The following PPFIBP2 variants were observed in gnomAD, a reference collection of about 807,000 sequenced individuals.
PPFIBP2 encodes PPFIB scaffold protein 2.
In PPFIBP2, 118 loss-of-function variants were observed where a neutral mutation model predicts 118.3. The observed-to-expected ratio is 1.00, with a 90% CI of 0.86 to 1.16. The LOEUF (loss-of-function observed/expected upper bound fraction) is 1.16. Among genes scored for constraint, PPFIBP2 ranks in the 50% most tolerant of loss-of-function variants. PPFIBP2 has a pLI of 0.00. For missense variants in PPFIBP2, 1,195 were observed against 1,073.1 expected (o/e 1.11, Z -1.59); for synonymous variants, 414 against 397.4 (o/e 1.04, Z -0.50).
chr11:7,609,581 T>C (rs887275808), intron 5 of PPFIBP2, among the ~76,000 whole-genome samples: 1 of 152,240 alleles, frequency 6.6e-6, no homozygotes, highest in Non-Finnish European at 1.5e-5. Flanking sequence ...GACAGGTTTG[T>C]TGTCAAAGCC....
intron 6 of PPFIBP2, among the ~76,000 whole-genome samples, chr11:7,613,210 G>A (rs1848270576): frequency 6.6e-6 from 1 of 152,144 alleles, no homozygotes; most frequent in Non-Finnish European, 1.5e-5. Context: ...AATGCTTGTG[G>A]CAAGAGCATT....
intron 22 of PPFIBP2, chr11:7,651,363 T>C: frequency 2.6e-6 from 1 of 385,918 alleles, no homozygotes; most frequent in Non-Finnish European, 4.7e-6. Flanking sequence ...AATGAGGAAG[T>C]GTGGTGGCTT....
chr11:7,519,899 C>G (rs546445108), intron 1 of PPFIBP2, among the ~76,000 whole-genome samples: 2 of 152,206 alleles, frequency 1.3e-5, no homozygotes, highest in South Asian at 2.1e-4. Flanking sequence ...ACCAGGTTCC[C>G]GGGGAAGCTT....
Position 7,617,328 on chromosome 11 carries a change from G to A in PPFIBP2, c.619-3607G>A, listed in dbSNP as rs189674657. 1,807 of 983,066 alleles carry A rather than the reference G, an allele frequency of 1.8e-3. 6 individuals are homozygous for A. Among genetic ancestry groups the A allele is most frequent in the Non-Finnish European group, 1.7e-3 (1,448 of 827,762 alleles). The allele number at this position is 983,066 out of a possible 1,614,324, so 60.9% of individuals were successfully genotyped here. A position where few individuals can be genotyped will look rare whatever the true frequency, so the allele number is the denominator to read the frequency against. On this transcript the variant is annotated intron_variant, in intron 6 of 23. Coordinates refer to ENST00000299492, the MANE Select transcript of PPFIBP2 (RefSeq NM_003621.5). ...CACACTTAAGTATATCAGAGCATGCGTGTGTGGGGCATTTCACTGGTGGAG... is the reference window on the plus strand; with the variant it reads ...CACACTTAAGTATATCAGAGCATGCATGTGTGGGGCATTTCACTGGTGGAG...
At position 7,628,605 on chromosome 11, in the gene PPFIBP2, A is replaced by G. The variant is rs566283604; in HGVS notation, c.888+259A>G. On this transcript the variant is annotated intron_variant, in intron 9 of 23. Transcript: ENST00000299492. Reference sequence around the variant, plus strand: ...TGCCTGTTCCTGCTGGTGTGGGGGGAAAAAAATACTGCTGTGATCACTGCC... The same window carrying G: ...TGCCTGTTCCTGCTGGTGTGGGGGGGAAAAAATACTGCTGTGATCACTGCC... 8.6e-5 allele frequency among the ~76,000 whole-genome samples: 13 copies of G among 151,870 alleles called. No homozygotes were observed. The East Asian group carries it at 1.5e-3, about 18-fold the overall frequency.
intron 1 of PPFIBP2, among the ~76,000 whole-genome samples, chr11:7,542,574 T>A (rs186692166): frequency 1.3e-5 from 2 of 152,344 alleles, no homozygotes; most frequent in Admixed American, 6.5e-5. Flanking sequence ...GAAAAATGCT[T>A]GTTCTGCTGC....
At chr11:7,643,156 C>T (rs1201631397) in intron 17 of PPFIBP2, among the ~76,000 whole-genome samples, 9 of 152,278 alleles carry the variant, frequency 5.9e-5, no homozygotes, top group African/African-American at 1.2e-4. Flanking sequence ...CCAGGGAAAG[C>T]TTTACCTGTA....
chr11:7,640,000 GT>G, intron 15 of PPFIBP2, 130 bp downstream of exon 15: 1 of 1,327,102 alleles, frequency 7.5e-7, no homozygotes, highest in Non-Finnish European at 9.9e-7. Flanking sequence ...GCTGGAACAA[GT>G]TGTACCTTGG....
intron 3 of PPFIBP2, among the ~76,000 whole-genome samples, chr11:7,566,513 C>G (rs890497518): frequency 6.6e-6 from 1 of 151,986 alleles, no homozygotes; most frequent in Non-Finnish European, 1.5e-5. Flanking sequence ...GAAGTGCGAG[C>G]CACACCTGGC....
chr11:7,580,186 C>T (rs1185732614), intron 3 of PPFIBP2, among the ~76,000 whole-genome samples: 2 of 152,138 alleles, frequency 1.3e-5, no homozygotes, highest in Non-Finnish European at 2.9e-5. Context: ...TGACCACCTC[C>T]TCTCTAACTC....
chr11:7,653,345 C>A lies in PPFIBP2; in HGVS notation c.*127C>A. 8.0e-6 allele frequency: 12 copies of A among 1,497,440 alleles called. No homozygotes were observed. Among genetic ancestry groups the A allele is most frequent in the Non-Finnish European group, 1.1e-5 (12 of 1,127,602 alleles). The allele number at this position is 1,497,440 out of a possible 1,614,324, so 92.8% of individuals were successfully genotyped here. ...AGAGAATATTCCAGCAATTGTGTAC[C>A]CCTGGGCCAGTCTCTTTGAACCCTG... is the stretch of plus-strand genomic sequence containing the variant. On this transcript the variant is annotated 3_prime_UTR_variant, in exon 24 of 24. Transcript: ENST00000299492.
At chr11:7,537,066 C>G (rs920613827) in intron 1 of PPFIBP2, among the ~76,000 whole-genome samples, 1 of 152,006 alleles carries the variant, frequency 6.6e-6, no homozygotes, top group Admixed American at 6.6e-5. Flanking sequence ...TTCAGGTCCC[C>G]GCCTCCTCCT....
chr11:7,551,433 A>G (rs1852986089), intron 2 of PPFIBP2, among the ~76,000 whole-genome samples: 1 of 152,188 alleles, frequency 6.6e-6, no homozygotes, highest in Non-Finnish European at 1.5e-5. Context: ...ATATATATTC[A>G]GGTCTATTTC....
chr11:7,531,286 C>G (rs1031237706), intron 1 of PPFIBP2, among the ~76,000 whole-genome samples: 22 of 152,302 alleles, frequency 1.4e-4, no homozygotes, highest in African/African-American at 5.1e-4. Flanking sequence ...CAACCCTTCC[C>G]CTGCCTCCCC....
the PPFIBP2 span, chr11:7,666,425 G>A: frequency 2.7e-6 from 4 of 1,472,918 alleles, no homozygotes; most frequent in East Asian, 9.0e-5. Flanking sequence ...CTGACCCATG[G>A]TGAGTGAGGG....
intron 2 of PPFIBP2, among the ~76,000 whole-genome samples, chr11:7,549,761 A>G (rs1852756094): frequency 6.6e-6 from 1 of 152,100 alleles, no homozygotes; most frequent in Admixed American, 6.5e-5. Context: ...CTGCTGAGAC[A>G]GTGTGGATGT....
At chr11:7,536,505 C>G (rs1457820423) in intron 1 of PPFIBP2, among the ~76,000 whole-genome samples, 1 of 151,830 alleles carries the variant, frequency 6.6e-6, no homozygotes, top group African/African-American at 2.4e-5. Context: ...CAGTGATGAT[C>G]GAAGATTAGG....
chr11:7,531,970 G>A (rs1416806095), intron 1 of PPFIBP2, among the ~76,000 whole-genome samples: 1 of 152,042 alleles, frequency 6.6e-6, no homozygotes, highest in Non-Finnish European at 1.5e-5. Flanking sequence ...TGAGGAGCTG[G>A]GATTATAGGC....
intron 5 of PPFIBP2, chr11:7,605,586 C>A: frequency 2.1e-6 from 1 of 485,658 alleles, no homozygotes. Context: ...AGGCCTGTTA[C>A]AGGGATGAGA....
Sources: gnomAD v4.1 joint callset for allele counts (sites outside exome capture counted in the v4.1 genomes callset) on GRCh38, gnomAD v4.1.1 for gene constraint, MANE v1.5 for transcripts, NCBI Gene and HGNC (gene_info 2026-07-23, HGNC 2026-07-21) for gene names.